The following ZNF507 variants were observed in gnomAD, a reference collection of about 807,000 sequenced individuals.
The protein encoded by ZNF507 is zinc finger protein 507.
In ZNF507, 29 loss-of-function variants were observed where a neutral mutation model predicts 80.0. That is an observed-to-expected ratio of 0.36 (90% confidence interval 0.27 to 0.49). ZNF507 has a LOEUF of 0.49. ZNF507 is among the 20% of genes least tolerant of loss of function. The pLI, the probability that ZNF507 is intolerant of heterozygous loss-of-function variation, is 0.98. For synonymous variants in ZNF507, 462 were observed against 422.5 expected (o/e 1.09, Z -1.15); for missense variants, 1,081 against 1,152.2 (o/e 0.94, Z 0.90).
chr19:32,356,593 A>C (rs1437526432), intron 3 of ZNF507, 23 bp from the exon 4 acceptor site: 2 of 1,552,592 alleles, frequency 1.3e-6, no homozygotes, highest in African/African-American at 2.7e-5. Flanking sequence ...ATTGAAAATT[A>C]CATATTTCTT....
At chr19:32,368,398 C>T (rs1197898170) in intron 5 of ZNF507, among the ~76,000 whole-genome samples, 1 of 152,200 alleles carries the variant, frequency 6.6e-6, no homozygotes, top group Non-Finnish European at 1.5e-5. Context: ...GGAACACATA[C>T]ATGATTTCTC....
chr19:32,354,994 C>T (rs767598168), intron 3 of ZNF507, 37 bp downstream of exon 3: 18 of 1,530,964 alleles, frequency 1.2e-5, no homozygotes, highest in Non-Finnish European at 1.3e-5. Flanking sequence ...AGAGGACCTT[C>T]GCATCTTAGA....
At position 32,352,875 on chromosome 19, in the gene ZNF507, G is replaced by A. The variant is rs1243226777; in HGVS notation, c.45G>A (p.Gly15=). The A allele has an allele frequency of 1.3e-6, 2 of 1,599,222 alleles. No homozygotes were observed. The highest frequency in any genetic ancestry group is 1.7e-6 in the Non-Finnish European group (2 of 1,175,750). Residue 15 remains glycine, a synonymous_variant, in exon 3 of 7, where the codon GGG becomes GGA. Coordinates refer to ENST00000355898, the MANE Select transcript of ZNF507 (RefSeq NM_001136156.2). ...TTGCCATGTTGGTGCCAGATATTGG[G>A]GAACAGGAAGCTATACTGACTGCTG... is the stretch of plus-strand genomic sequence containing the variant. ...SSVAMLVPDI[G]EQEAILTAES... is the part of the protein sequence containing the mutation.
In ZNF507 at chr19:32,383,281, TTGAG is replaced by T. The variant is rs1967647840; in HGVS notation, c.*203_*206del. On this transcript the variant is annotated 3_prime_UTR_variant, in exon 7 of 7. Coordinates refer to ENST00000355898, the MANE Select transcript of ZNF507 (RefSeq NM_001136156.2). ...CAAGCAGTAATGATATTTAAATATTTTGAGTGAGGGGGAGTGGGTCAAAGAGGAA... is the reference window on the plus strand; with the variant it reads ...CAAGCAGTAATGATATTTAAATATTTTGAGGGGGAGTGGGTCAAAGAGGAA... 2 of 663,574 alleles carry T rather than the reference TTGAG, an allele frequency of 3.0e-6. No individual in the cohort carries two copies. The highest frequency in any genetic ancestry group is 4.9e-6 in the Non-Finnish European group (2 of 409,420). The allele number at this position is 663,574 out of a possible 1,614,324, so 41.1% of individuals were successfully genotyped here.
Position 32,383,463 on chromosome 19 carries a change from T to TTAAG in ZNF507, c.*381_*384dup, listed in dbSNP as rs1222570705. ...TAAAAGTCATAAAAGGGTCACAGTC[T>TTAAG]TAAGCAGAGCTTAGTTTTCTTCTCA... is the stretch of plus-strand genomic sequence containing the variant. On this transcript the variant is annotated 3_prime_UTR_variant, in exon 7 of 7. Coordinates refer to ENST00000355898, the MANE Select transcript of ZNF507 (RefSeq NM_001136156.2). 4 of 170,162 alleles carry TTAAG rather than the reference T, an allele frequency of 2.4e-5. No individual in the cohort carries two copies. Among genetic ancestry groups the TTAAG allele is most frequent in the African/African-American group, 9.6e-5 (4 of 41,708 alleles). The allele number at this position is 170,162 out of a possible 1,614,324, so 10.5% of individuals were successfully genotyped here. A position where few individuals can be genotyped will look rare whatever the true frequency, so the allele number is the denominator to read the frequency against.
At chr19:32,361,901 C>CTCCTTCCTTCCT (rs569072237) in intron 5 of ZNF507, among the ~76,000 whole-genome samples, 2 of 133,514 alleles carry the variant, frequency 1.5e-5, no homozygotes, top group African/African-American at 5.5e-5. Context: ...CCCTCCCTCC[C>CTCCTTCCTTCCT]TCCTTCCTTC....
At chr19:32,374,625 G>A (rs1261942329) in intron 5 of ZNF507, among the ~76,000 whole-genome samples, 1 of 151,864 alleles carries the variant, frequency 6.6e-6, no homozygotes, top group South Asian at 2.1e-4. Context: ...GGGATTACAG[G>A]CACCCGCCAC....
rs776114291 is a variant in ZNF507, at chr19:32,382,493, G to C, written c.2387G>C (p.Ser796Thr). 1 of 1,614,146 alleles carries C rather than the reference G, an allele frequency of 6.2e-7. No individual in the cohort carries two copies. Among genetic ancestry groups the C allele is most frequent in the Non-Finnish European group, 8.5e-7 (1 of 1,180,010 alleles). The change falls in exon 6 of 7, where the codon AGC becomes ACC. Residue 796 changes from serine to threonine, a missense_variant. Physicochemically the swap from Ser to Thr is moderately conservative, Grantham distance 58. Coordinates refer to ENST00000355898, the MANE Select transcript of ZNF507 (RefSeq NM_001136156.2). Reference sequence around the variant, plus strand: ...TGCTCTCTGTGTGGGTATGTGTGTAGCCATCCTCCTTCTTTGAAGTCTCAT... The same window carrying C: ...TGCTCTCTGTGTGGGTATGTGTGTACCCATCCTCCTTCTTTGAAGTCTCAT... ...YRCSLCGYVC[S>T]HPPSLKSHMW...
intron 5 of ZNF507, among the ~76,000 whole-genome samples, chr19:32,365,870 T>C (rs1967391726): frequency 6.6e-6 from 1 of 152,190 alleles, no homozygotes; most frequent in African/African-American, 2.4e-5. Flanking sequence ...CGGGACATAG[T>C]AGGTGCTCGG....
At chr19:32,364,633 A>G (rs1599552679) in intron 5 of ZNF507, among the ~76,000 whole-genome samples, 1 of 152,286 alleles carries the variant, frequency 6.6e-6, no homozygotes, top group African/African-American at 2.4e-5. Context: ...ATAGTCTCTA[A>G]TCTCATCCAG....
intron 5 of ZNF507, among the ~76,000 whole-genome samples, chr19:32,373,857 G>A (rs1405258017): frequency 2.0e-5 from 3 of 152,216 alleles, no homozygotes; most frequent in South Asian, 2.1e-4. Context: ...TTCGTAACAC[G>A]TCCTGCAGGT....
At chr19:32,362,999 C>T (rs917778276) in intron 5 of ZNF507, among the ~76,000 whole-genome samples, 4 of 152,208 alleles carry the variant, frequency 2.6e-5, no homozygotes, top group African/African-American at 7.2e-5. Flanking sequence ...CAGAGCATTA[C>T]GGATTAACAT....
chr19:32,360,279 C>T (rs1967304397), intron 4 of ZNF507, among the ~76,000 whole-genome samples: 2 of 152,166 alleles, frequency 1.3e-5, no homozygotes, highest in African/African-American at 4.8e-5. Context: ...ATCATCCCAA[C>T]CTATCTGTGT....
At chr19:32,366,652 T>C (rs912754372) in intron 5 of ZNF507, among the ~76,000 whole-genome samples, 1 of 152,246 alleles carries the variant, frequency 6.6e-6, no homozygotes, top group Admixed American at 6.5e-5. Flanking sequence ...CCTGATATGA[T>C]CTGATACCAT....
chr19:32,366,194 T>A (rs986058779), intron 5 of ZNF507, among the ~76,000 whole-genome samples: 11 of 152,072 alleles, frequency 7.2e-5, no homozygotes, highest in African/African-American at 2.7e-4. Flanking sequence ...TCTCTCTCCC[T>A]CCCTCCCTCT....
rs1458149047 is a variant in ZNF507, at chr19:32,382,892, T to C, written c.2671T>C (p.Tyr891His). 1.2e-6 allele frequency: 2 copies of C among 1,613,968 alleles called. No homozygotes were observed. Among genetic ancestry groups the C allele is most frequent in the Admixed American group, 1.7e-5 (1 of 59,990 alleles). The part of the protein sequence containing the change: ...EKLSPTSNTS[Y>H]SLEKISSLAP... ...ACTGAGCCCTACAAGTAATACCTCATATAGTTTAGAAAAAATCTCCAGTCT... is the reference window on the plus strand; with the variant it reads ...ACTGAGCCCTACAAGTAATACCTCACATAGTTTAGAAAAAATCTCCAGTCT... Residue 891 changes from tyrosine to histidine, a missense_variant, in exon 7 of 7, where the codon TAT becomes CAT. Tyr to His is a moderately conservative substitution (Grantham distance 83). Transcript: ENST00000355898.
intron 5 of ZNF507, among the ~76,000 whole-genome samples, chr19:32,362,394 G>A (rs1463102936): frequency 6.6e-6 from 1 of 152,172 alleles, no homozygotes; most frequent in Admixed American, 6.5e-5. Flanking sequence ...TCCGGGTCCA[G>A]AATTAGATTG....
intron 5 of ZNF507, among the ~76,000 whole-genome samples, chr19:32,379,695 A>G (rs1298735027): frequency 6.6e-6 from 1 of 152,242 alleles, no homozygotes; most frequent in Non-Finnish European, 1.5e-5. Flanking sequence ...TATTTAAATT[A>G]AAAGCTTAAC....
At chr19:32,378,863 A>T (rs1200785434) in intron 5 of ZNF507, among the ~76,000 whole-genome samples, 3 of 152,182 alleles carry the variant, frequency 2.0e-5, no homozygotes, top group Non-Finnish European at 4.4e-5. Flanking sequence ...AGGCCTCGGG[A>T]CCACATCTGA....
Sources: gnomAD v4.1 joint callset for allele counts (sites outside exome capture counted in the v4.1 genomes callset) on GRCh38, gnomAD v4.1.1 for gene constraint, MANE v1.5 for transcripts, NCBI Gene and HGNC (gene_info 2026-07-23, HGNC 2026-07-21) for gene names.